PHLPP1: variants seen among roughly 807,000 people sequenced by gnomAD.
PHLPP1 encodes the protein PH domain leucine-rich repeat-containing protein phosphatase 1.
In PHLPP1, 42 loss-of-function variants were observed where a neutral mutation model predicts 117.2. The ratio of observed to expected loss-of-function variants is 0.36; its 90% CI spans 0.28 to 0.46. The LOEUF is 0.46. Ranked by LOEUF, PHLPP1 falls within the 20% of genes least tolerant of loss-of-function variation. PHLPP1 has a pLI of 1.00. For missense variants in PHLPP1, 2,084 were observed against 2,241.9 expected (o/e 0.93, Z 1.42); for synonymous variants, 1,042 against 970.7 (o/e 1.07, Z -1.37).
At position 62,716,176 on chromosome 18, in the gene PHLPP1, G is replaced by A. The variant is rs980413995; in HGVS notation, c.493G>A (p.Ala165Thr). Residue 165 changes from alanine (A) to threonine (T), a missense_variant, in exon 1 of 17, where the codon GCG (alanine) becomes ACG (threonine). This residue lies in a region of PHLPP1 where 719 missense variants were observed against 636.0 expected (regional missense o/e 1.13). Transcript: ENST00000262719. This position sits in a 1 kb window ranked among gnomAD's most constrained non-coding sequence, Gnocchi z 5.7. ...CCTCCCCGCCTCCTGCTCGGCCTCG[G>A]CGTCGCTGTGCACCCGGAGCCTGGA... ...AGLPASCSAS[A>T]SLCTRSLDRK... 10 of 1,520,642 alleles carry A rather than the reference G, an allele frequency of 6.6e-6. No homozygotes were observed. In the African/African-American group the frequency reaches 1.4e-4, roughly 21 times the overall value. The allele number at this position is 1,520,642 out of a possible 1,614,324, so 94.2% of individuals were successfully genotyped here. A position where few individuals can be genotyped will look rare whatever the true frequency, so the allele number is the denominator to read the frequency against.
intron 3 of PHLPP1, among the ~76,000 whole-genome samples, chr18:62,849,832 A>AAAATAT (rs1555677083): frequency 1.8e-4 from 6 of 33,090 alleles, no homozygotes; most frequent in Non-Finnish European, 2.1e-4. Context: ...AAAAAAAAAA[A>AAAATAT]ATATATATAT....
intron 1 of PHLPP1, among the ~76,000 whole-genome samples, chr18:62,801,732 G>A (rs1004532069): frequency 1.3e-5 from 2 of 152,176 alleles, no homozygotes; most frequent in Non-Finnish European, 2.9e-5. Context: ...GATTATAGGC[G>A]TGAACCACTG....
intron 1 of PHLPP1, among the ~76,000 whole-genome samples, chr18:62,800,999 C>G: frequency 7.2e-6 from 1 of 139,318 alleles, no homozygotes; most frequent in Admixed American, 7.3e-5. Flanking sequence ...TTCCTTCCTT[C>G]CTTGCTTCCT....
intron 1 of PHLPP1, among the ~76,000 whole-genome samples, chr18:62,785,270 G>A (rs1273075909): frequency 6.6e-6 from 1 of 152,214 alleles, no homozygotes; most frequent in Non-Finnish European, 1.5e-5. Context: ...ATCATCCTCA[G>A]AAGGACAGGG....
At chr18:62,810,181 C>T (rs1181546394) in intron 1 of PHLPP1, among the ~76,000 whole-genome samples, 2 of 152,152 alleles carry the variant, frequency 1.3e-5, no homozygotes, top group Admixed American at 6.5e-5. Context: ...ATCACTGTGT[C>T]CTTTGTGTAT....
At chr18:62,793,974 C>T (rs1003200921) in intron 1 of PHLPP1, among the ~76,000 whole-genome samples, 1 of 152,200 alleles carries the variant, frequency 6.6e-6, no homozygotes, top group Non-Finnish European at 1.5e-5. Context: ...TTTGTTGTTG[C>T]TATCCACATA....
intron 4 of PHLPP1, among the ~76,000 whole-genome samples, chr18:62,862,767 C>T (rs1298690864): frequency 2.0e-5 from 3 of 152,182 alleles, no homozygotes; most frequent in Non-Finnish European, 4.4e-5. Context: ...ATTAAAAAGA[C>T]ATATACTCAG....
At chr18:62,835,911 C>T (rs1289528652) in intron 2 of PHLPP1, among the ~76,000 whole-genome samples, 2 of 149,462 alleles carry the variant, frequency 1.3e-5, no homozygotes, top group African/African-American at 2.5e-5. Flanking sequence ...CTCCTGAGTA[C>T]CTGGGATTAC....
In PHLPP1 at chr18:62,716,946, G is replaced by A. The variant is rs1910766428; in HGVS notation, c.1263G>A (p.Arg421=). ...CTCAGCCGCAGCAGAAAGCCCCGAG[G>A]GCCATTGACAGCCCGGGCGGGGCCG... The part of the protein sequence containing the change: ...SSPQPQQKAP[R]AIDSPGGAVR... The change falls in exon 1 of 17, where the codon AGG becomes AGA. Residue 421 remains arginine, a synonymous_variant. Transcript: ENST00000262719. The surrounding 1 kb of genome is among the most constrained non-coding windows in gnomAD (Gnocchi z 5.7). 2 of 1,537,364 alleles carry A rather than the reference G, an allele frequency of 1.3e-6. No individual in the cohort carries two copies. The highest frequency in any genetic ancestry group is 2.7e-5 in the African/African-American group (2 of 72,896).
chr18:62,754,677 C>CA (rs1911958258), intron 1 of PHLPP1, among the ~76,000 whole-genome samples: 1 of 152,148 alleles, frequency 6.6e-6, no homozygotes, highest in Non-Finnish European at 1.5e-5. Flanking sequence ...GCTATTGTAT[C>CA]AAAACGTAAT....
In PHLPP1 at chr18:62,895,055, G is replaced by A. The variant is rs1170173978; in HGVS notation, c.2111G>A (p.Gly704Glu). Residue 704 changes from glycine (G) to glutamate (E), a missense_variant, in exon 5 of 17, where the codon GGG becomes GAG. Gly to Glu is a moderately conservative substitution (Grantham distance 98, BLOSUM62 -2). This residue lies in a region of PHLPP1 where 1,365 missense variants were observed against 1,605.9 expected (regional missense o/e 0.85). Transcript: ENST00000262719. ...CTTAACCTTTCCAATAATCATTTAG[G>A]GGACTTCCCACTGGCAGTCTGCAGT... Reference protein sequence around the residue: ...KSLNLSNNHLGDFPLAVCSIP... With the variant: ...KSLNLSNNHLEDFPLAVCSIP... 1 of 1,612,646 alleles carries A rather than the reference G, an allele frequency of 6.2e-7. No individual in the cohort carries two copies. The highest frequency in any genetic ancestry group is 2.2e-5 in the East Asian group (1 of 44,834).
At chr18:62,837,627 A>G (rs1308206949) in intron 2 of PHLPP1, 3 of 149,620 alleles carry the variant, frequency 2.0e-5, no homozygotes, top group African/African-American at 7.3e-5. Context: ...CCTTCTTTCA[A>G]TTTTGGATTT....
At chr18:62,785,672 G>C (rs1490280598) in intron 1 of PHLPP1, among the ~76,000 whole-genome samples, 4 of 152,194 alleles carry the variant, frequency 2.6e-5, no homozygotes, top group Non-Finnish European at 4.4e-5. Context: ...GCTGCCCACT[G>C]TGCTGTTTTG....
chr18:62,863,288 C>T (rs1915679478), intron 4 of PHLPP1, among the ~76,000 whole-genome samples: 1 of 151,964 alleles, frequency 6.6e-6, no homozygotes, highest in South Asian at 2.1e-4. Flanking sequence ...GCAACCTTCG[C>T]CTCCCGTGCT....
At chr18:62,718,909 G>C (rs924007426) in intron 1 of PHLPP1, among the ~76,000 whole-genome samples, 1 of 152,120 alleles carries the variant, frequency 6.6e-6, no homozygotes, top group African/African-American at 2.4e-5. Context: ...AACAAAGTTT[G>C]AATCTGTGTT....
chr18:62,864,222 A>G (rs1369330118), intron 4 of PHLPP1, among the ~76,000 whole-genome samples: 3 of 152,030 alleles, frequency 2.0e-5, no homozygotes, highest in African/African-American at 7.2e-5. Context: ...GGGTTTCACC[A>G]TGTTGGCCAG....
chr18:62,894,687 G>GA (rs1336391957), intron 4 of PHLPP1, among the ~76,000 whole-genome samples: 3 of 152,142 alleles, frequency 2.0e-5, no homozygotes, highest in Non-Finnish European at 4.4e-5. Flanking sequence ...CCTTCACTGG[G>GA]GCCATTTACA....
intron 1 of PHLPP1, among the ~76,000 whole-genome samples, chr18:62,811,503 T>G (rs1914117593): frequency 6.6e-6 from 1 of 151,984 alleles, no homozygotes; most frequent in African/African-American, 2.4e-5. Flanking sequence ...CACCAATCCG[T>G]TTACTATGAA....
In PHLPP1 at chr18:62,830,685, T is replaced by TG. The variant is rs1434913069; in HGVS notation, c.1773+458dup. 7.2e-5 allele frequency among the ~76,000 whole-genome samples: 11 copies of TG among 152,142 alleles called. No individual in the cohort carries two copies. The South Asian group carries it at 1.2e-3, about 17-fold the overall frequency. ...TGGGTGTTGTCGGTTGGTGGAGCTG[T>TG]GGGGAAAAAACAGTGCCATTGGCTC... On this transcript the variant is annotated intron_variant, in intron 2 of 16. Coordinates refer to ENST00000262719, the MANE Select transcript of PHLPP1 (RefSeq NM_194449.4).
Sources: gnomAD v4.1 joint callset for allele counts (sites outside exome capture counted in the v4.1 genomes callset) on GRCh38, gnomAD v4.1.1 for gene constraint, gnomAD v4.1.1 regional missense constraint, Gnocchi (gnomAD v3.1) non-coding constraint, MANE v1.5 for transcripts, NCBI Gene and HGNC (gene_info 2026-07-23, HGNC 2026-07-21) for gene names.